Variants in COL4A2 observed in about 807,000 individuals in gnomAD.
COL4A2 encodes collagen type IV alpha 2 chain.
A neutral mutation model predicts 200.2 loss-of-function variants in COL4A2; 99 were observed. The ratio of observed to expected loss-of-function variants is 0.49; its 90% CI spans 0.42 to 0.58. COL4A2 has a LOEUF of 0.58. Ranked by LOEUF, COL4A2 falls within the 20% of genes least tolerant of loss-of-function variation. The probability of loss-of-function intolerance (pLI) is 0.00; values close to 1 mark genes in which losing one functional copy is unlikely to be tolerated. For synonymous variants in COL4A2, 897 were observed against 900.6 expected, an observed-to-expected ratio of 1.00 and a Z score of 0.07; for missense variants, 1,950 against 2,314.1, an observed-to-expected ratio of 0.84 and a Z score of 3.23.
chr13:110,489,876 A>G (rs934408833), intron 36 of COL4A2, 91 bp downstream of exon 36: 14 of 1,378,926 alleles, frequency 1.0e-5, no homozygotes, highest in Non-Finnish European at 1.4e-5. Flanking sequence ...CAAATTCAGT[A>G]ACAACCAGAA....
Position 110,449,691 on chromosome 13 carries a change from A to T in COL4A2, c.1091A>T (p.Asp364Val). ...HPSLAKGARG[D>V]PGFPGAQGEP... is the part of the protein sequence containing the mutation. ...GTTTCCCTTCCAGGTGCCAGAGGTG[A>T]CCCGGGATTCCCAGGGGCCCAAGGG... Residue 364 changes from aspartate to valine, a missense_variant, in exon 19 of 48, where the codon GAC becomes GTC. Asp to Val is a radical substitution (Grantham distance 152). Coordinates refer to ENST00000360467, the MANE Select transcript of COL4A2 (RefSeq NM_001846.4). 3.2e-6 allele frequency: 5 copies of T among 1,548,588 alleles called. No homozygotes were observed. In the Admixed American group the frequency reaches 9.9e-5, roughly 31 times the overall value.
chr13:110,400,566 A>G (rs1879336426), intron 4 of COL4A2, among the ~76,000 whole-genome samples: 1 of 152,346 alleles, frequency 6.6e-6, no homozygotes, highest in Non-Finnish European at 1.5e-5. Context: ...TAATGTTTAT[A>G]TAGAGAACCA....
chr13:110,341,878 T>C (rs1246565752), intron 3 of COL4A2, among the ~76,000 whole-genome samples: 8 of 152,234 alleles, frequency 5.3e-5, no homozygotes, highest in Admixed American at 1.3e-4. Context: ...TGACATCACA[T>C]AGAATACTGG....
At chr13:110,399,108 G>A (rs1162593820) in intron 4 of COL4A2, among the ~76,000 whole-genome samples, 1 of 152,116 alleles carries the variant, frequency 6.6e-6, no homozygotes, top group African/African-American at 2.4e-5. Flanking sequence ...TTAAGAAGCA[G>A]GTCAAAGGAA....
At chr13:110,485,471 C>T (rs944753087) in intron 33 of COL4A2, among the ~76,000 whole-genome samples, 184 bp from the exon 34 acceptor site, 2 of 145,026 alleles carry the variant, frequency 1.4e-5, no homozygotes, top group Non-Finnish European at 3.0e-5. Context: ...TGTAGTGAGC[C>T]GAGATTGCGC....
intron 3 of COL4A2, among the ~76,000 whole-genome samples, chr13:110,329,035 G>A (rs1383090031): frequency 1.3e-5 from 2 of 152,096 alleles, no homozygotes; most frequent in African/African-American, 4.8e-5. Flanking sequence ...CCTGTATTCT[G>A]GCGAAAAATA....
chr13:110,322,516 G>T (rs895730868), intron 3 of COL4A2, among the ~76,000 whole-genome samples: 1 of 152,202 alleles, frequency 6.6e-6, no homozygotes, highest in African/African-American at 2.4e-5. Context: ...GAGGACAGGG[G>T]ATGGACGCGT....
At chr13:110,455,944 G>T (rs1231711957) in intron 20 of COL4A2, among the ~76,000 whole-genome samples, 1 of 152,150 alleles carries the variant, frequency 6.6e-6, no homozygotes, top group African/African-American at 2.4e-5. Flanking sequence ...TTGCCCATTG[G>T]AGCTCTGGCC....
At chr13:110,347,132 C>A (rs1264348332) in intron 3 of COL4A2, among the ~76,000 whole-genome samples, 1 of 152,232 alleles carries the variant, frequency 6.6e-6, no homozygotes, top group Non-Finnish European at 1.5e-5. Context: ...AAATGCCAAG[C>A]CCCCTTTCCT....
At chr13:110,315,457 G>A (rs768411743) in intron 3 of COL4A2, among the ~76,000 whole-genome samples, 20 of 152,276 alleles carry the variant, frequency 1.3e-4, no homozygotes, top group African/African-American at 2.2e-4. Flanking sequence ...GTGCAGTGGC[G>A]TGATCTTGGC....
intron 32 of COL4A2, among the ~76,000 whole-genome samples, chr13:110,484,492 G>T (rs911549975): frequency 2.6e-5 from 4 of 152,096 alleles, no homozygotes; most frequent in Non-Finnish European, 4.4e-5. Flanking sequence ...CTGTGAAGGT[G>T]CCTACAGGAG....
intron 3 of COL4A2, among the ~76,000 whole-genome samples, chr13:110,339,039 T>TCCACGGA (rs1383230911): frequency 6.6e-6 from 1 of 152,232 alleles, no homozygotes; most frequent in Non-Finnish European, 1.5e-5. Context: ...GCCTGTGCCT[T>TCCACGGA]CCACGGACCT....
At chr13:110,506,291 T>A (rs1192841511) in intron 45 of COL4A2, 124 bp from the exon 46 acceptor site, 4 of 867,600 alleles carry the variant, frequency 4.6e-6, no homozygotes, top group East Asian at 3.1e-5. Context: ...GGGCTGCAGG[T>A]GCACCAGGCC....
At chr13:110,318,253 C>T (rs901191626) in intron 3 of COL4A2, among the ~76,000 whole-genome samples, 1 of 152,178 alleles carries the variant, frequency 6.6e-6, no homozygotes, top group Non-Finnish European at 1.5e-5. Flanking sequence ...ACCATGGACT[C>T]GTGTCTGGGT....
intron 3 of COL4A2, among the ~76,000 whole-genome samples, chr13:110,344,266 C>G (rs1028711506): frequency 6.6e-6 from 1 of 152,112 alleles, no homozygotes; most frequent in Non-Finnish European, 1.5e-5. Flanking sequence ...GTAACTTGTT[C>G]TTCTCAACAC....
At chr13:110,434,541 C>T in intron 12 of COL4A2, 99 bp downstream of exon 12, 5 of 1,276,548 alleles carry the variant, frequency 3.9e-6, no homozygotes, top group Non-Finnish European at 5.6e-6. Context: ...AAAACTTTTA[C>T]CTTGAGTTGA....
At chr13:110,465,065 C>T (rs749733929) in intron 24 of COL4A2, among the ~76,000 whole-genome samples, 1 of 152,270 alleles carries the variant, frequency 6.6e-6, no homozygotes, top group Non-Finnish European at 1.5e-5. Flanking sequence ...GTGTTTCTTT[C>T]TCCACCCACA....
rs200970184 is a variant in COL4A2 at position 110,307,909 on chromosome 13, G to A, written c.6G>A (p.Gly2=). 1 of 1,612,850 alleles carries A rather than the reference G, an allele frequency of 6.2e-7. No individual in the cohort carries two copies. The highest frequency in any genetic ancestry group is 1.3e-5 in the African/African-American group (1 of 75,066). ...AGAGTGGACGAACCGCCAGCATGGGGAGAGACCAGCGCGCGGTGGCCGGCC... is the reference window on the plus strand; with the variant it reads ...AGAGTGGACGAACCGCCAGCATGGGAAGAGACCAGCGCGCGGTGGCCGGCC... M[G]RDQRAVAGPA... is the part of the protein sequence containing the mutation. The change falls in exon 2 of 48, where the codon GGG becomes GGA. Residue 2 remains glycine, a synonymous_variant. Coordinates refer to ENST00000360467, the MANE Select transcript of COL4A2 (RefSeq NM_001846.4). This position sits in a 1 kb window ranked among gnomAD's most constrained non-coding sequence, Gnocchi z 5.0.
chr13:110,310,124 G>A (rs1360291256), intron 3 of COL4A2, among the ~76,000 whole-genome samples: 3 of 152,190 alleles, frequency 2.0e-5, no homozygotes, highest in African/African-American at 7.2e-5. Context: ...AAGGCAGATA[G>A]GACACCTCTA....
Sources: allele counts gnomAD v4.1 joint callset (sites outside exome capture counted in the v4.1 genomes callset), GRCh38; gene constraint gnomAD v4.1.1; non-coding constraint Gnocchi (gnomAD v3.1); transcripts MANE v1.5; gene names NCBI Gene and HGNC (gene_info 2026-07-23, HGNC 2026-07-21).